SEC14L5: variants seen among roughly 807,000 people sequenced by gnomAD.
The protein encoded by SEC14L5 is SEC14-like protein 5.
SEC14L5 carries 96 observed loss-of-function variants against 84.6 expected under a neutral mutation model. That is an observed-to-expected ratio of 1.13 (90% confidence interval 0.96 to 1.34). SEC14L5 has a LOEUF of 1.34. SEC14L5 is among the 40% of genes most tolerant of loss of function. The pLI is 0.00. For synonymous variants in SEC14L5, 546 were observed against 383.4 expected (o/e 1.42, Z -4.95); for missense variants, 1,224 against 942.5 (o/e 1.30, Z -3.91).
intron 2 of SEC14L5, among the ~76,000 whole-genome samples, chr16:4,964,086 G>T (rs777171939): frequency 6.6e-6 from 1 of 152,200 alleles, no homozygotes; most frequent in Non-Finnish European, 1.5e-5. Context: ...AATGGAGGCA[G>T]CTGGAGTATC....
At chr16:5,011,470 T>G (rs1955803269) in intron 15 of SEC14L5, among the ~76,000 whole-genome samples, 197 bp downstream of exon 15, 1 of 152,208 alleles carries the variant, frequency 6.6e-6, no homozygotes, top group African/African-American at 2.4e-5. Context: ...CGTCTAACTC[T>G]GCTTCCGAAG....
chr16:4,958,982 G>A (rs1955086453), intron 1 of SEC14L5, among the ~76,000 whole-genome samples: 1 of 152,012 alleles, frequency 6.6e-6, no homozygotes, highest in African/African-American at 2.4e-5. Flanking sequence ...GTGTGTCTGT[G>A]TGGGTGGCCG....
At position 5,011,428 on chromosome 16, in the gene SEC14L5, G is replaced by A. The variant is rs192496720; in HGVS notation, c.1979+155G>A. 4.3e-3 allele frequency among the ~76,000 whole-genome samples: 661 copies of A among 152,318 alleles called. 3 individuals are homozygous for A. The highest frequency in any genetic ancestry group is 4.0e-3 in the Admixed American group (61 of 15,296). On this transcript the variant is annotated intron_variant, in intron 15 of 15. Coordinates refer to ENST00000251170, the MANE Select transcript of SEC14L5 (RefSeq NM_014692.2). Reference sequence around the variant, plus strand: ...TGGAGTTCTCAGGTGACACAGCCCCGCACTAGGGTGTGAGGAGAGCCCAGC... The same window carrying A: ...TGGAGTTCTCAGGTGACACAGCCCCACACTAGGGTGTGAGGAGAGCCCAGC...
intron 2 of SEC14L5, among the ~76,000 whole-genome samples, chr16:4,975,781 G>T (rs1353379933): frequency 1.3e-5 from 2 of 152,148 alleles, no homozygotes; most frequent in African/African-American, 4.8e-5. Context: ...GGAAGGAAAG[G>T]GGTTGATAGG....
intron 2 of SEC14L5, among the ~76,000 whole-genome samples, chr16:4,980,821 G>A (rs991754695): frequency 3.3e-5 from 5 of 152,140 alleles, no homozygotes; most frequent in Non-Finnish European, 7.4e-5. Context: ...AAGCCTGAGC[G>A]TCTCCTTGGC....
intron 2 of SEC14L5, among the ~76,000 whole-genome samples, chr16:4,974,610 T>C (rs4785981): frequency 0.26 from 39,426 of 151,998 alleles, 5,379 homozygotes; most frequent in Admixed American, 0.33. Context: ...ACAGCTTTTT[T>C]TTTTAACATG....
chr16:4,993,035 A>T (rs1955568687), intron 6 of SEC14L5, among the ~76,000 whole-genome samples: 1 of 149,868 alleles, frequency 6.7e-6, no homozygotes, highest in Non-Finnish European at 1.5e-5. Context: ...TAACTAATTT[A>T]TTAATAAATA....
At chr16:4,962,102 A>G (rs1955128955) in intron 2 of SEC14L5, among the ~76,000 whole-genome samples, 1 of 150,906 alleles carries the variant, frequency 6.6e-6, no homozygotes, top group Admixed American at 6.6e-5. Flanking sequence ...TATTCATAGA[A>G]TAAGACAGGA....
Position 5,011,157 on chromosome 16 carries a change from C to T in SEC14L5, c.1863C>T (p.Pro621=), listed in dbSNP as rs1230055314. The T allele has an allele frequency of 5.6e-6, 9 of 1,612,778 alleles. No homozygotes were observed. The highest frequency in any genetic ancestry group is 3.3e-5 in the Admixed American group (2 of 59,854). ...TCCAGTGGCAAATGCACAGCCCCCC[C>T]AGCAGCGTGGCCTGCAGCCTCCCGG... ...YLLQWQMHSP[P]SSVACSLPGV... is the part of the protein sequence containing the mutation. The change falls in exon 15 of 16, where the codon CCC becomes CCT. Residue 621 remains proline (P), a synonymous_variant. Transcript: ENST00000251170.
intron 13 of SEC14L5, among the ~76,000 whole-genome samples, chr16:5,007,794 C>T (rs570530041): frequency 6.0e-5 from 9 of 150,512 alleles, no homozygotes; most frequent in South Asian, 2.1e-4. Flanking sequence ...TTAGTAGAGA[C>T]GGGTTTTCGT....
chr16:4,988,906 C>T (rs74005450), intron 4 of SEC14L5, among the ~76,000 whole-genome samples: 4,778 of 152,312 alleles, frequency 0.031, 255 homozygotes, highest in African/African-American at 0.11. Context: ...TGGAACAAAA[C>T]GGAATCAGTG....
At chr16:4,980,082 C>T (rs528560549) in intron 2 of SEC14L5, among the ~76,000 whole-genome samples, 13 of 152,326 alleles carry the variant, frequency 8.5e-5, no homozygotes, top group Admixed American at 7.8e-4. Context: ...TGCTGCTGGG[C>T]GAGTCACTCT....
chr16:4,991,908 C>T lies in SEC14L5; in HGVS notation c.545C>T (p.Thr182Met), dbSNP rs373434753. Residue 182 changes from threonine to methionine, a missense_variant, in exon 6 of 16, where the codon ACG becomes ATG. Coordinates refer to ENST00000251170, the MANE Select transcript of SEC14L5 (RefSeq NM_014692.2). Reference sequence around the variant, plus strand: ...GGTACCTCGCACATTCCGCGCTGGACGCCTGCCCCAGTCCGTGAGGAGGAT... The same window carrying T: ...GGTACCTCGCACATTCCGCGCTGGATGCCTGCCCCAGTCCGTGAGGAGGAT... ...SQGTSHIPRW[T>M]PAPVREEDAR... The T allele has an allele frequency of 9.9e-5, 159 of 1,608,120 alleles. No homozygotes were observed. Among genetic ancestry groups the T allele is most frequent in the Non-Finnish European group, 1.2e-4 (142 of 1,178,680 alleles).
At chr16:4,998,011 T>TTG (rs1955630401) in intron 8 of SEC14L5, among the ~76,000 whole-genome samples, 1 of 150,640 alleles carries the variant, frequency 6.6e-6, no homozygotes, top group African/African-American at 2.5e-5. Flanking sequence ...TTCTTTTTTT[T>TTG]TTTTTTTTTT....
Position 4,976,378 on chromosome 16 carries a change from T to C in SEC14L5, c.64-11179T>C, listed in dbSNP as rs551038351. 2.6e-5 allele frequency among the ~76,000 whole-genome samples: 4 copies of C among 152,330 alleles called. No individual in the cohort carries two copies. In the East Asian group the frequency reaches 7.7e-4, roughly 29 times the overall value. On this transcript the variant is annotated intron_variant, in intron 2 of 15. Transcript: ENST00000251170. ...CATTCATTCATCCTGTAAATGTCTA[T>C]TGAGTGTGGACTATGTGCTAGGCAT...
Position 5,008,628 on chromosome 16 carries a change from CGGGAGG to C in SEC14L5, c.1786_1791del (p.Gly596_Glu597del). The C allele has an allele frequency of 1.2e-6, 2 of 1,605,946 alleles. No individual in the cohort carries two copies. Among genetic ancestry groups the C allele is most frequent in the Non-Finnish European group, 1.7e-6 (2 of 1,177,902 alleles). On this transcript the variant is annotated inframe_deletion, in exon 14 of 16. Coordinates refer to ENST00000251170, the MANE Select transcript of SEC14L5 (RefSeq NM_014692.2). ...CCGTGTGGAGGCTCCCCTTGTCTGC[CGGGAGG>C]GGGAGAGCATCCAGGTTTGCATTTT...
In SEC14L5 at chr16:4,959,495, A is replaced by C. The variant is rs114024117; in HGVS notation, c.63+109A>C. ...TTAGACTCCCAGATCAGAAGGAATTAGTGAGTTACTCAGCTGACCTGGTGG... is the reference window on the plus strand; with the variant it reads ...TTAGACTCCCAGATCAGAAGGAATTCGTGAGTTACTCAGCTGACCTGGTGG... On this transcript the variant is annotated intron_variant, in intron 2 of 15. Transcript: ENST00000251170. 1.2e-3 allele frequency: 1,094 copies of C among 922,566 alleles called. 8 individuals are homozygous for C. In the African/African-American group the frequency reaches 0.016, roughly 13 times the overall value. The allele number at this position is 922,566 out of a possible 1,614,324, so 57.1% of individuals were successfully genotyped here.
chr16:4,981,746 T>C (rs1170024980), intron 2 of SEC14L5, among the ~76,000 whole-genome samples: 1 of 152,128 alleles, frequency 6.6e-6, no homozygotes, highest in Non-Finnish European at 1.5e-5. Flanking sequence ...AGTGAGCCTC[T>C]CTGGGCAAGT....
At chr16:4,976,683 C>T (rs1336394420) in intron 2 of SEC14L5, among the ~76,000 whole-genome samples, 1 of 152,180 alleles carries the variant, frequency 6.6e-6, no homozygotes, top group African/African-American at 2.4e-5. Flanking sequence ...TGCTTGGTCC[C>T]TGCCTGCCCC....
Sources: gnomAD v4.1 joint callset for allele counts (sites outside exome capture counted in the v4.1 genomes callset) on GRCh38, gnomAD v4.1.1 for gene constraint, MANE v1.5 for transcripts, NCBI Gene and HGNC (gene_info 2026-07-23, HGNC 2026-07-21) for gene names.